Variants in THBS4 observed in about 807,000 individuals in gnomAD.
The protein encoded by THBS4 is thrombospondin 4, also known as thrombospondin-4.
THBS4 carries 90 observed loss-of-function variants against 115.7 expected under a neutral mutation model. The observed-to-expected ratio is 0.78, with a 90% CI of 0.66 to 0.93. THBS4 has a LOEUF of 0.93. Ranked by LOEUF, THBS4 falls within the 40% of genes least tolerant of loss-of-function variation. The probability of loss-of-function intolerance (pLI) is 0.00; values close to 1 mark genes in which losing one functional copy is unlikely to be tolerated. For missense variants in THBS4, 1,087 were observed against 1,232.7 expected (o/e 0.88, Z 1.77); for synonymous variants, 460 against 479.3 (o/e 0.96, Z 0.53).
At chr5:80,055,570 A>G (rs947585335) in intron 2 of THBS4, among the ~76,000 whole-genome samples, 3 of 131,614 alleles carry the variant, frequency 2.3e-5, no homozygotes, top group African/African-American at 9.1e-5. Context: ...CATTCTCAGG[A>G]GAAGAGTTGG....
chr5:80,082,584 G>C (rs1337741034), intron 21 of THBS4, 39 bp downstream of exon 21: 1 of 1,609,818 alleles, frequency 6.2e-7, no homozygotes, highest in Non-Finnish European at 8.5e-7. Flanking sequence ...ATTGTTACTA[G>C]AATTAGTCAA....
intron 15 of THBS4, among the ~76,000 whole-genome samples, chr5:80,074,100 G>C (rs1316370331): frequency 6.6e-6 from 1 of 152,146 alleles, no homozygotes; most frequent in Admixed American, 6.5e-5. Flanking sequence ...TATGGTTTCT[G>C]TTATATACAT....
At chr5:80,046,750 G>A (rs931929713) in intron 2 of THBS4, among the ~76,000 whole-genome samples, 7 of 152,152 alleles carry the variant, frequency 4.6e-5, no homozygotes, top group African/African-American at 9.7e-5. Flanking sequence ...TAATAGTACC[G>A]CTAGGGGTTG....
chr5:80,051,798 A>G (rs1273532529), intron 2 of THBS4, among the ~76,000 whole-genome samples: 1 of 152,224 alleles, frequency 6.6e-6, no homozygotes, highest in African/African-American at 2.4e-5. Context: ...CCCACTAGGT[A>G]CTATTCATCA....
At position 80,079,915 on chromosome 5, in the gene THBS4, C is replaced by CT; in HGVS notation, c.2523dup (p.Lys842Ter). The CT allele has an allele frequency of 3.1e-6, 5 of 1,614,098 alleles. No homozygotes were observed. The highest frequency in any genetic ancestry group is 4.2e-6 in the Non-Finnish European group (5 of 1,180,010). ...TGTGTCATCATGCAGGCTGTGAAGT[C>CT]TAAGACAGGTCCAGGGGAGCATCTC... On this transcript the variant is annotated frameshift_variant, in exon 20 of 22. Transcript: ENST00000350881. LOFTEE classifies it high-confidence loss of function.
chr5:80,053,170 G>T (rs539047082), intron 2 of THBS4: 3 of 151,620 alleles, frequency 2.0e-5, no homozygotes, highest in East Asian at 3.9e-4. Context: ...ATATACACAT[G>T]CACACTTTTT....
chr5:80,068,949 T>C (rs1433368845), intron 10 of THBS4, among the ~76,000 whole-genome samples: 1 of 152,152 alleles, frequency 6.6e-6, no homozygotes, highest in Non-Finnish European at 1.5e-5. Context: ...GTCCTCAGCC[T>C]GCCATCCATT....
Position 80,059,752 on chromosome 5 carries a change from TCCC to T in THBS4, c.837_839del (p.Pro280del), listed in dbSNP as rs779640607. 2 of 1,613,912 alleles carry T rather than the reference TCCC, an allele frequency of 1.2e-6. No individual in the cohort carries two copies. Among genetic ancestry groups the T allele is most frequent in the Non-Finnish European group, 1.7e-6 (2 of 1,179,994 alleles). On this transcript the variant is annotated inframe_deletion, in exon 7 of 22. Coordinates refer to ENST00000350881, the MANE Select transcript of THBS4 (RefSeq NM_003248.6). ...CCCCAAGCACGGTGGTGCCCCCGGCTCCCCCTGCACCGCCAACACGCCCACCTC... is the reference window on the plus strand; with the variant it reads ...CCCCAAGCACGGTGGTGCCCCCGGCTCCTGCACCGCCAACACGCCCACCTC...
chr5:80,037,205 C>T (rs548670096), intron 1 of THBS4, among the ~76,000 whole-genome samples: 2 of 152,260 alleles, frequency 1.3e-5, no homozygotes, highest in East Asian at 3.9e-4. Flanking sequence ...ATGTCTCAGA[C>T]ATACCTGACC....
intron 2 of THBS4, among the ~76,000 whole-genome samples, chr5:80,046,047 C>T (rs1194062390): frequency 6.6e-6 from 1 of 152,056 alleles, no homozygotes; most frequent in Admixed American, 6.5e-5. Context: ...GTGATTCACA[C>T]ATAAGATAAT....
intron 3 of THBS4, among the ~76,000 whole-genome samples, chr5:80,057,704 T>C (rs1201569037): frequency 6.6e-6 from 1 of 152,192 alleles, no homozygotes; most frequent in East Asian, 1.9e-4. Context: ...CAATGAATAA[T>C]ATCAACCCGT....
chr5:80,071,247 G>T (rs1317476664), intron 13 of THBS4, 67 bp downstream of exon 13: 2 of 1,520,516 alleles, frequency 1.3e-6, no homozygotes, highest in East Asian at 4.6e-5. Flanking sequence ...TTCTCTGAGA[G>T]AGTAGGAATA....
At position 80,021,324 on chromosome 5, in the gene THBS4, C is replaced by T. The variant is rs145791565; in HGVS notation, n.178-18753C>T. The stretch of plus-strand genomic sequence containing the variant: ...TGAGAATCCAACTGTCTTCCATTGT[C>T]AGACATAAAAGAGATTTGCAAAAAG... On this transcript the variant is annotated intron_variant and non_coding_transcript_variant, in intron 2 of 3. Transcript: ENST00000510218. Among the ~76,000 whole-genome samples the T allele has an allele frequency of 1.5e-3, 234 of 152,204 alleles. 1 individual carries two copies. The highest frequency in any genetic ancestry group is 5.4e-3 in the African/African-American group (223 of 41,528).
chr5:80,020,775 T>G (rs1481591181), intron 2 of THBS4, among the ~76,000 whole-genome samples: 1 of 152,096 alleles, frequency 6.6e-6, no homozygotes, highest in Admixed American at 6.5e-5. Context: ...TACCCTGAGC[T>G]TTTCTCCTCT....
Position 80,058,689 on chromosome 5 carries a change from C to G in THBS4, c.650-19C>G. ...ACCATCACTGGCTGAAAACTCTTTGCCTTTTGCTGTTCCTACAGGGGACTT... is the reference window on the plus strand; with the variant it reads ...ACCATCACTGGCTGAAAACTCTTTGGCTTTTGCTGTTCCTACAGGGGACTT... On this transcript the variant is annotated intron_variant, in intron 4 of 21. Transcript: ENST00000350881. 6.2e-7 allele frequency: 1 copy of G among 1,612,908 alleles called. No individual in the cohort carries two copies. Among genetic ancestry groups the G allele is most frequent in the South Asian group, 1.1e-5 (1 of 91,070 alleles).
At chr5:80,078,287 A>G in intron 17 of THBS4, 60 bp downstream of exon 17, 2 of 1,407,156 alleles carry the variant, frequency 1.4e-6, no homozygotes, top group Non-Finnish European at 1.9e-6. Flanking sequence ...CCCTTCTGAT[A>G]GTGGTAGGTC....
intron 2 of THBS4, among the ~76,000 whole-genome samples, chr5:80,028,862 A>G (rs1561298683): frequency 6.6e-6 from 1 of 151,494 alleles, no homozygotes; most frequent in Non-Finnish European, 1.5e-5. Flanking sequence ...GTGTTCCTGT[A>G]CCCCCCTCCC....
chr5:80,012,954 G>T (rs1832157166), intron 2 of THBS4, among the ~76,000 whole-genome samples: 1 of 152,110 alleles, frequency 6.6e-6, no homozygotes, highest in Non-Finnish European at 1.5e-5. Context: ...GACTCTGCTA[G>T]ACATCCTCTC....
At chr5:80,059,067 C>T (rs1833533461) in intron 5 of THBS4, among the ~76,000 whole-genome samples, 1 of 152,174 alleles carries the variant, frequency 6.6e-6, no homozygotes. Flanking sequence ...TGCGGTGCCT[C>T]ATGACTGTAA....
Sources: allele counts gnomAD v4.1 joint callset (sites outside exome capture counted in the v4.1 genomes callset), GRCh38; gene constraint gnomAD v4.1.1; transcripts MANE v1.5; gene names NCBI Gene and HGNC (gene_info 2026-07-23, HGNC 2026-07-21).